DNAJC17: variants seen among roughly 807,000 people sequenced by gnomAD.
The protein encoded by DNAJC17 is DnaJ heat shock protein family (Hsp40) member C17.
Under a neutral mutation model 48.1 loss-of-function variants are expected in DNAJC17, and 35 were observed. That is an observed-to-expected ratio of 0.73 (90% confidence interval 0.56 to 0.96). The LOEUF (loss-of-function observed/expected upper bound fraction) is 0.96. Among genes scored for constraint, DNAJC17 ranks in the 50% least tolerant of loss-of-function variants. The pLI, the probability that DNAJC17 is intolerant of heterozygous loss-of-function variation, is 0.00. For synonymous variants in DNAJC17, 117 were observed against 142.7 expected, an observed-to-expected ratio of 0.82 and a Z score of 1.28; for missense variants, 355 against 377.1, an observed-to-expected ratio of 0.94 and a Z score of 0.48.
At chr15:40,777,595 T>A (rs1307405478) in intron 4 of DNAJC17, among the ~76,000 whole-genome samples, 1 of 151,962 alleles carries the variant, frequency 6.6e-6, no homozygotes, top group East Asian at 1.9e-4. Context: ...GGTGCGCAAC[T>A]TAGTCCCAGC....
chr15:40,765,990 A>C lies in DNAJC17; in HGVS notation c.*1950T>G. On this transcript the variant is annotated 3_prime_UTR_variant, in exon 11 of 11. Coordinates refer to ENST00000220496, the MANE Select transcript of DNAJC17 (RefSeq NM_018163.3). ...AGACCTGCCTCTGCTCCCTTTATAC[A>C]ACCTCCAAGCCCAGGGACAGGGCCC... The C allele has an allele frequency of 1.4e-6, 1 of 726,178 alleles. No individual in the cohort carries two copies. The highest frequency in any genetic ancestry group is 2.2e-6 in the Non-Finnish European group (1 of 446,002). 45.0% of individuals were successfully genotyped at this position (726,178 alleles called of 1,614,324 possible).
chr15:40,787,115 G>A (rs1889662375), intron 1 of DNAJC17, among the ~76,000 whole-genome samples: 1 of 152,124 alleles, frequency 6.6e-6, no homozygotes, highest in South Asian at 2.1e-4. Context: ...TAGAAGTGCT[G>A]CTCATCTGCT....
At position 40,774,979 on chromosome 15, in the gene DNAJC17, A is replaced by G. The variant is rs560960027; in HGVS notation, c.600+52T>C. On this transcript the variant is annotated intron_variant, in intron 8 of 10. Transcript: ENST00000220496. ...TTGAGAGCAGAGACCTAGGGTGTGG[A>G]CTGAGACGTGGACTGAGATGATAGG... 1.1e-4 allele frequency: 175 copies of G among 1,586,958 alleles called. 4 individuals are homozygous for G. The South Asian group carries it at 1.8e-3, about 16-fold the overall frequency.
intron 1 of DNAJC17, among the ~76,000 whole-genome samples, chr15:40,797,717 CTTTTTTT>C (rs538219563): frequency 5.1e-5 from 5 of 98,992 alleles, no homozygotes; most frequent in East Asian, 3.4e-4. Context: ...TGGCCGATCT[CTTTTTTT>C]TTTTTTTTTT....
chr15:40,803,707 A>G (rs1038140082), intron 1 of DNAJC17, among the ~76,000 whole-genome samples: 1 of 152,062 alleles, frequency 6.6e-6, no homozygotes, highest in Non-Finnish European at 1.5e-5. Flanking sequence ...AGCACTTTGT[A>G]CCCCTCTTAA....
intron 1 of DNAJC17, among the ~76,000 whole-genome samples, chr15:40,797,177 C>A (rs1463253868): frequency 6.6e-6 from 1 of 152,142 alleles, no homozygotes; most frequent in African/African-American, 2.4e-5. Context: ...TGAGACCAGT[C>A]TGGGCAACAT....
Position 40,769,330 on chromosome 15 carries a change from G to A in DNAJC17, c.793-1268C>T, listed in dbSNP as rs112514520. 6.6e-6 allele frequency among the ~76,000 whole-genome samples: 1 copy of A among 152,202 alleles called. No individual in the cohort carries two copies. The highest frequency in any genetic ancestry group is 1.5e-5 in the Non-Finnish European group (1 of 68,032). On this transcript the variant is annotated intron_variant, in intron 10 of 10. Coordinates refer to ENST00000220496, the MANE Select transcript of DNAJC17 (RefSeq NM_018163.3). This position sits in a 1 kb window ranked among gnomAD's most constrained non-coding sequence, Gnocchi z 4.2. ...AGCACAGCCAGGTAGGAGGCAACAC[G>A]GCCCGGCCTTCAGCAGCCGCTCTCC...
Position 40,807,302 on chromosome 15 carries a change from C to T in DNAJC17, c.78+67G>A, listed in dbSNP as rs539893089. The T allele has an allele frequency of 4.2e-5, 68 of 1,613,384 alleles. No individual in the cohort carries two copies. The African/African-American group carries it at 8.8e-4, about 21-fold the overall frequency. On this transcript the variant is annotated intron_variant, in intron 1 of 10. Transcript: ENST00000220496. ...CCTGGAGAGCGGATGCCAGCAGTGGCCGAGGCGCTAGGACAGGAAGGACCG... is the reference window on the plus strand; with the variant it reads ...CCTGGAGAGCGGATGCCAGCAGTGGTCGAGGCGCTAGGACAGGAAGGACCG...
chr15:40,793,087 G>A (rs1484167014), intron 1 of DNAJC17, among the ~76,000 whole-genome samples: 1 of 151,836 alleles, frequency 6.6e-6, no homozygotes, highest in Admixed American at 6.6e-5. Flanking sequence ...TAGAGACGGG[G>A]TTTCACCATG....
intron 4 of DNAJC17, 22 bp downstream of exon 4, chr15:40,779,201 C>T (rs374675016): frequency 9.3e-6 from 15 of 1,611,252 alleles, no homozygotes; most frequent in Admixed American, 1.7e-5. Flanking sequence ...CACAGGCCAC[C>T]GAGCACTATG....
chr15:40,792,737 C>A (rs189971561), intron 1 of DNAJC17, among the ~76,000 whole-genome samples: 39 of 152,276 alleles, frequency 2.6e-4, no homozygotes, highest in African/African-American at 9.4e-4. Flanking sequence ...CCCAGAAATA[C>A]ACATGTGGGC....
chr15:40,767,139 G>A lies in DNAJC17; in HGVS notation c.*801C>T. On this transcript the variant is annotated 3_prime_UTR_variant, in exon 11 of 11. Transcript: ENST00000220496. ...AGCAAGTGTGAGTCACTACAAGAGT[G>A]GCCAGGCTGCCTGCTGCAGACACTA... is the stretch of plus-strand genomic sequence containing the variant. 7.3e-7 allele frequency: 1 copy of A among 1,360,788 alleles called. No individual in the cohort carries two copies. The highest frequency in any genetic ancestry group is 9.7e-7 in the Non-Finnish European group (1 of 1,032,554). 84.3% of individuals were successfully genotyped at this position (1,360,788 alleles called of 1,614,324 possible).
At chr15:40,774,823 C>T (rs79098095) in intron 8 of DNAJC17, 6,817 of 620,236 alleles carry the variant, frequency 0.011, 57 homozygotes, top group Non-Finnish European at 0.016. Context: ...CAAAGGACAG[C>T]GGGCTGGAAG....
In DNAJC17 at chr15:40,767,024, G is replaced by T. The variant is rs1049426250; in HGVS notation, c.*916C>A. On this transcript the variant is annotated 3_prime_UTR_variant, in exon 11 of 11. Transcript: ENST00000220496. ...ACAACAGTGGCACCTTCACTAGCTT[G>T]TTGGGAAGAATAAATGAGATAGCTC... The T allele has an allele frequency of 4.8e-5, 21 of 435,374 alleles. No individual in the cohort carries two copies. Among genetic ancestry groups the T allele is most frequent in the Middle Eastern group, 4.1e-4 (1 of 2,458 alleles). The allele number at this position is 435,374 out of a possible 1,614,324, so 27.0% of individuals were successfully genotyped here.
At position 40,779,213 on chromosome 15, in the gene DNAJC17, T is replaced by A; in HGVS notation, c.295+10A>T. ...AACCACAGGCCACCGAGCACTATGATGGCACCTACCAAGCTTCACTTTCTT... is the reference window on the plus strand; with the variant it reads ...AACCACAGGCCACCGAGCACTATGAAGGCACCTACCAAGCTTCACTTTCTT... On this transcript the variant is annotated intron_variant, in intron 4 of 10. Coordinates refer to ENST00000220496, the MANE Select transcript of DNAJC17 (RefSeq NM_018163.3). 3 of 1,613,808 alleles carry A rather than the reference T, an allele frequency of 1.9e-6. No individual in the cohort carries two copies. Among genetic ancestry groups the A allele is most frequent in the Non-Finnish European group, 2.5e-6 (3 of 1,179,792 alleles).
chr15:40,798,580 A>G (rs2141962959), intron 1 of DNAJC17, among the ~76,000 whole-genome samples: 1 of 152,340 alleles, frequency 6.6e-6, no homozygotes, highest in South Asian at 2.1e-4. Flanking sequence ...GAGCACAGTC[A>G]GCAAAGGGGA....
In DNAJC17 at chr15:40,790,678, G is replaced by A. The variant is rs541495604; in HGVS notation, c.79-10681C>T. ...TTGGAGTCTTTGTTTCCACATCTAG[G>A]AATTGGTGCCAGTAGTCCTTGACCA... On this transcript the variant is annotated intron_variant, in intron 1 of 10. Transcript: ENST00000220496. Among the ~76,000 whole-genome samples, 4 of 152,286 alleles carry A rather than the reference G, an allele frequency of 2.6e-5. No individual in the cohort carries two copies. In the South Asian group the frequency reaches 6.2e-4, roughly 24 times the overall value.
intron 8 of DNAJC17, 48 bp from the exon 9 acceptor site, chr15:40,774,484 G>T: frequency 6.2e-7 from 1 of 1,604,184 alleles, no homozygotes; most frequent in South Asian, 1.1e-5. Context: ...CCTTCAGGAT[G>T]GCCCAGGTCA....
At chr15:40,789,482 T>C (rs1211377097) in intron 1 of DNAJC17, among the ~76,000 whole-genome samples, 1 of 151,990 alleles carries the variant, frequency 6.6e-6, no homozygotes, top group Non-Finnish European at 1.5e-5. Context: ...CTCCTCCCTT[T>C]TAACCTTATC....
Sources: gnomAD v4.1 joint callset for allele counts (sites outside exome capture counted in the v4.1 genomes callset) on GRCh38, gnomAD v4.1.1 for gene constraint, Gnocchi (gnomAD v3.1) non-coding constraint, MANE v1.5 for transcripts, NCBI Gene and HGNC (gene_info 2026-07-23, HGNC 2026-07-21) for gene names.